NCOA2: variants seen among roughly 807,000 people sequenced by gnomAD.
NCOA2 encodes nuclear receptor coactivator 2, also known as class E basic helix-loop-helix protein 75.
In NCOA2, 21 loss-of-function variants were observed where a neutral mutation model predicts 145.1. The observed-to-expected ratio is 0.14, with a 90% CI of 0.10 to 0.21. The LOEUF (loss-of-function observed/expected upper bound fraction) is 0.21, where lower values mean the gene tolerates loss of function less well. NCOA2 is among the 10% of genes least tolerant of loss of function. The probability of loss-of-function intolerance (pLI) is 1.00; values close to 1 mark genes in which losing one functional copy is unlikely to be tolerated. For synonymous variants in NCOA2, 619 were observed against 637.5 expected (o/e 0.97, Z 0.44); for missense variants, 1,472 against 1,837.6 (o/e 0.80, Z 3.64).
chr8:70,166,873 T>C (rs1266139549), intron 6 of NCOA2, 119 bp from the exon 7 acceptor site: 8 of 925,656 alleles, frequency 8.6e-6, no homozygotes, highest in Non-Finnish European at 1.1e-5. Flanking sequence ...ACTACTTTTA[T>C]ACTTGTCTAA....
At chr8:70,432,546 C>A in the NCOA2 span, among the ~76,000 whole-genome samples, 1 of 152,094 alleles carries the variant, frequency 6.6e-6, no homozygotes, top group Non-Finnish European at 1.5e-5. Context: ...ACCTGTAGTC[C>A]CAGCTACTCG....
Position 70,156,486 on chromosome 8 carries a change from C to G in NCOA2, c.1879G>C (p.Asp627His), listed in dbSNP as rs1178313805. 2.5e-6 allele frequency: 4 copies of G among 1,613,920 alleles called. No homozygotes were observed. The highest frequency in any genetic ancestry group is 2.5e-6 in the Non-Finnish European group (3 of 1,179,892). The change falls in exon 11 of 23, where the codon GAC becomes CAC. Residue 627 changes from aspartate to histidine, a missense_variant. Physicochemically the swap from Asp to His is moderately conservative, Grantham distance 81 (BLOSUM62 -1). Around this residue, in one of 4 missense-constraint regions of NCOA2, gnomAD observed 953 missense variants for 1,062.1 expected, o/e 0.90. Transcript: ENST00000452400. The part of the protein sequence containing the change: ...LPPAVSSERA[D>H]GQSRLHDSKG... ...CTGTCATGCAGTCTGCTCTGCCCGTCAGCTCTCTCACTGCTCACGGCCGGG... is the reference window on the plus strand; with the variant it reads ...CTGTCATGCAGTCTGCTCTGCCCGTGAGCTCTCTCACTGCTCACGGCCGGG...
Position 70,319,138 on chromosome 8 carries a change from C to T in NCOA2, c.-76-22338G>A, listed in dbSNP as rs116995085. Among the ~76,000 whole-genome samples the T allele has an allele frequency of 8.0e-3, 1,223 of 152,200 alleles. 8 individuals are homozygous for T. The highest frequency in any genetic ancestry group is 0.011 in the Non-Finnish European group (769 of 68,002). On this transcript the variant is annotated intron_variant, in intron 1 of 22. Coordinates refer to ENST00000452400, the MANE Select transcript of NCOA2 (RefSeq NM_006540.4). ...GACTAGAGCAATGAAACGGGAAAGACGGATAATCTGAAACAGGGAGAGAAA... is the reference window on the plus strand; with the variant it reads ...GACTAGAGCAATGAAACGGGAAAGATGGATAATCTGAAACAGGGAGAGAAA...
chr8:70,346,202 G>A (rs923793726), intron 1 of NCOA2, among the ~76,000 whole-genome samples: 5 of 152,156 alleles, frequency 3.3e-5, no homozygotes, highest in South Asian at 2.1e-4. Context: ...ATAATTTCAC[G>A]TGTATCTCCT....
chr8:70,249,512 A>G (rs1452834188), intron 2 of NCOA2, among the ~76,000 whole-genome samples: 1 of 152,042 alleles, frequency 6.6e-6, no homozygotes, highest in Non-Finnish European at 1.5e-5. Flanking sequence ...GGTAGAGAGG[A>G]TGTTTATACT....
At chr8:70,381,869 T>G (rs555260728) in intron 1 of NCOA2, among the ~76,000 whole-genome samples, 11 of 152,128 alleles carry the variant, frequency 7.2e-5, no homozygotes, top group Non-Finnish European at 1.6e-4. Flanking sequence ...ATTTTATAGG[T>G]AAAAAGCATT....
chr8:70,225,973 C>T (rs1820596188), intron 2 of NCOA2, among the ~76,000 whole-genome samples: 1 of 152,058 alleles, frequency 6.6e-6, no homozygotes, highest in Admixed American at 6.5e-5. Flanking sequence ...CACAGAAGAG[C>T]AGCTGGCATA....
the NCOA2 span, among the ~76,000 whole-genome samples, chr8:70,452,872 T>C: frequency 6.6e-6 from 1 of 152,162 alleles, no homozygotes; most frequent in East Asian, 1.9e-4. Context: ...GAAGTAAAGA[T>C]TACAAAGATT....
intron 4 of NCOA2, among the ~76,000 whole-genome samples, chr8:70,176,566 G>C (rs1036447493): frequency 6.6e-6 from 1 of 152,108 alleles, no homozygotes; most frequent in Non-Finnish European, 1.5e-5. Flanking sequence ...TATTGCATGT[G>C]ACCGCCCCCA....
intron 2 of NCOA2, among the ~76,000 whole-genome samples, chr8:70,276,365 G>A (rs373532679): frequency 3.3e-5 from 5 of 152,048 alleles, no homozygotes; most frequent in African/African-American, 1.2e-4. Context: ...AAATTGAGGC[G>A]ATTTAAGAAG....
chr8:70,248,091 C>T (rs543797249), intron 2 of NCOA2, among the ~76,000 whole-genome samples: 54 of 152,278 alleles, frequency 3.5e-4, no homozygotes, highest in African/African-American at 1.3e-3. Context: ...GATAATTTGT[C>T]AAGTTGTTTT....
intron 2 of NCOA2, among the ~76,000 whole-genome samples, chr8:70,220,171 G>A (rs1013195691): frequency 6.6e-6 from 1 of 152,150 alleles, no homozygotes; most frequent in African/African-American, 2.4e-5. Flanking sequence ...GAGCAGCACT[G>A]AAGGTTCTAA....
chr8:70,369,418 T>C (rs1811012808), intron 1 of NCOA2, among the ~76,000 whole-genome samples: 1 of 152,246 alleles, frequency 6.6e-6, no homozygotes, highest in African/African-American at 2.4e-5. Flanking sequence ...TAGATGGTGC[T>C]ATAAAAACTC....
chr8:70,451,303 G>C, the NCOA2 span, among the ~76,000 whole-genome samples: 2 of 145,408 alleles, frequency 1.4e-5, no homozygotes, highest in South Asian at 4.3e-4. Context: ...AGCTAGTCGG[G>C]AGGCTAAGGC....
At chr8:70,360,609 T>A (rs1810112634) in intron 1 of NCOA2, among the ~76,000 whole-genome samples, 1 of 152,160 alleles carries the variant, frequency 6.6e-6, no homozygotes, top group Non-Finnish European at 1.5e-5. Flanking sequence ...CATTTCCACA[T>A]AAACAGAAGA....
intron 2 of NCOA2, among the ~76,000 whole-genome samples, chr8:70,251,076 G>A (rs914582198): frequency 3.3e-5 from 5 of 152,148 alleles, no homozygotes; most frequent in Non-Finnish European, 7.3e-5. Flanking sequence ...TTCCTCAGGT[G>A]AGCCAGGGAT....
chr8:70,115,340 C>T (rs570658769), intron 22 of NCOA2, among the ~76,000 whole-genome samples: 2 of 152,268 alleles, frequency 1.3e-5, no homozygotes, highest in South Asian at 4.1e-4. Flanking sequence ...TATTCTCTGG[C>T]ATGGACTAAC....
At chr8:70,323,688 A>G (rs1321060955) in intron 1 of NCOA2, among the ~76,000 whole-genome samples, 4 of 152,212 alleles carry the variant, frequency 2.6e-5, no homozygotes, top group Non-Finnish European at 5.9e-5. Context: ...TTATATGATT[A>G]TAACATTGTC....
chr8:70,346,740 A>G (rs936142723), intron 1 of NCOA2, among the ~76,000 whole-genome samples: 9 of 152,198 alleles, frequency 5.9e-5, no homozygotes, highest in Admixed American at 2.0e-4. Flanking sequence ...TAGAGAACCA[A>G]GATGTAGCTA....
Sources: allele counts gnomAD v4.1 joint callset (sites outside exome capture counted in the v4.1 genomes callset), GRCh38; gene constraint gnomAD v4.1.1; regional missense constraint gnomAD v4.1.1; transcripts MANE v1.5; gene names NCBI Gene and HGNC (gene_info 2026-07-23, HGNC 2026-07-21).